BLOC1S2: variants seen among roughly 807,000 people sequenced by gnomAD.
BLOC1S2 encodes biogenesis of lysosomal organelles complex 1 subunit 2, also known as biogenesis of lysosome-related organelles complex 1 subunit 2.
A neutral mutation model predicts 19.6 loss-of-function variants in BLOC1S2; 12 were observed. The ratio of observed to expected loss-of-function variants is 0.61; its 90% confidence interval spans 0.39 to 0.99. The LOEUF (loss-of-function observed/expected upper bound fraction) is 0.99. Among genes scored for constraint, BLOC1S2 ranks in the 50% least tolerant of loss-of-function variants. BLOC1S2 has a pLI of 0.00. For missense variants in BLOC1S2, 142 were observed against 171.0 expected (o/e 0.83, Z 0.95); for synonymous variants, 66 against 64.1 (o/e 1.03, Z -0.14).
chr10:100,274,800 C>A lies in BLOC1S2; in HGVS notation c.*662G>T. 1 of 396,030 alleles carries A rather than the reference C, an allele frequency of 2.5e-6. No individual in the cohort carries two copies. Among genetic ancestry groups the A allele is most frequent in the Non-Finnish European group, 4.4e-6 (1 of 224,958 alleles). The allele number at this position is 396,030 out of a possible 1,614,324, so 24.5% of individuals were successfully genotyped here. A position where few individuals can be genotyped will look rare whatever the true frequency, so the allele number is the denominator to read the frequency against. ...TAGTCTTTGTTTTCATCACATTTCC[C>A]AAACTGATCGCATGTCAATGTGACT... is the stretch of plus-strand genomic sequence containing the variant. On this transcript the variant is annotated 3_prime_UTR_variant, in exon 5 of 5. Coordinates refer to ENST00000370372, the MANE Select transcript of BLOC1S2 (RefSeq NM_173809.5).
At position 100,286,266 on chromosome 10, in the gene BLOC1S2, G is replaced by A. The variant is rs78762965; in HGVS notation, c.56-53C>T. On this transcript the variant is annotated intron_variant, in intron 1 of 4. Transcript: ENST00000370372. ...CCCGCCTACACCCGGTGCTAATCCA[G>A]CCAAAGCAGCCTGTTCCGACATCCC... The A allele has an allele frequency of 7.7e-4, 1,212 of 1,575,376 alleles. 4 individuals are homozygous for A. In the African/African-American group the frequency reaches 9.4e-3, roughly 12 times the overall value.
At chr10:100,284,123 A>G (rs532947525) in intron 2 of BLOC1S2, among the ~76,000 whole-genome samples, 4 of 152,376 alleles carry the variant, frequency 2.6e-5, no homozygotes, top group African/African-American at 9.6e-5. Flanking sequence ...AATAAAAATA[A>G]CAGTAGAGAA....
rs759050926 is a variant in BLOC1S2 at position 100,286,639 on chromosome 10, G to A, written c.21C>T (p.Gly7=). The A allele has an allele frequency of 3.1e-6, 5 of 1,609,560 alleles. No homozygotes were observed. Among genetic ancestry groups the A allele is most frequent in the Non-Finnish European group, 3.4e-6 (4 of 1,178,258 alleles). The change falls in exon 1 of 5, where the codon GGC becomes GGT. Residue 7 remains glycine, a synonymous_variant. Coordinates refer to ENST00000370372, the MANE Select transcript of BLOC1S2 (RefSeq NM_173809.5). ...GCTCATCACTCCGGGTCGCCAGTAC[G>A]CCCTCGGCTGCCGCCGCCATAGCGG... The part of the protein sequence containing the change: MAAAAE[G]VLATRSDEPA...
Position 100,280,153 on chromosome 10 carries a change from T to C in BLOC1S2, c.368A>G (p.Tyr123Cys). ...TTTTTTTGAATATGCATCCAACTTG[T>C]AAGCTGCCTGCTCAAGAGCTGCTAC... ...EQVAALEQAAYKLDAYSKKLE... is the reference protein window; with the variant it reads ...EQVAALEQAACKLDAYSKKLE... Residue 123 changes from tyrosine to cysteine, a missense_variant, in exon 4 of 5, where the codon TAC becomes TGC. Around this residue, in one of 2 missense-constraint regions of BLOC1S2, gnomAD observed 94 missense variants for 141.3 expected, o/e 0.67. Transcript: ENST00000370372. 6.2e-7 allele frequency: 1 copy of C among 1,613,890 alleles called. No individual in the cohort carries two copies. The highest frequency in any genetic ancestry group is 8.5e-7 in the Non-Finnish European group (1 of 1,179,894).
rs912084592 is a variant in BLOC1S2 at position 100,274,470 on chromosome 10, G to A, written c.*992C>T. 6.6e-6 allele frequency: 1 copy of A among 152,574 alleles called. No homozygotes were observed. The highest frequency in any genetic ancestry group is 1.5e-5 in the Non-Finnish European group (1 of 68,268). 9.5% of individuals were successfully genotyped at this position (152,574 alleles called of 1,614,324 possible). ...GAAGAACAGAGGATAAATGATGACT[G>A]TCTGGAACAGAGGGGAAATGACAGA... On this transcript the variant is annotated 3_prime_UTR_variant, in exon 5 of 5. Transcript: ENST00000370372.
At chr10:100,276,888 C>G (rs923119160) in intron 4 of BLOC1S2, among the ~76,000 whole-genome samples, 3 of 152,194 alleles carry the variant, frequency 2.0e-5, no homozygotes, top group Non-Finnish European at 2.9e-5. Context: ...TTGGCCCCCC[C>G]AAAGTGCGGA....
intron 4 of BLOC1S2, among the ~76,000 whole-genome samples, chr10:100,279,649 T>C (rs1048476011): frequency 6.6e-6 from 1 of 151,910 alleles, no homozygotes; most frequent in African/African-American, 2.4e-5. Flanking sequence ...CAGGCCGAGG[T>C]GGGCAGATCA....
At chr10:100,280,279 A>C (rs765675812) in intron 3 of BLOC1S2, 51 bp from the exon 4 acceptor site, 1 of 1,489,964 alleles carries the variant, frequency 6.7e-7, no homozygotes, top group Non-Finnish European at 9.2e-7. Flanking sequence ...TTAACAAAGA[A>C]TATAGGAAAA....
chr10:100,277,392 G>A (rs78431736), intron 4 of BLOC1S2, among the ~76,000 whole-genome samples: 1 of 144,190 alleles, frequency 6.9e-6, no homozygotes, highest in Non-Finnish European at 1.5e-5. Flanking sequence ...GCCTCTGCCC[G>A]GCCGCCCCTA....
chr10:100,277,749 GT>G (rs1847955041), intron 4 of BLOC1S2, among the ~76,000 whole-genome samples: 2 of 133,236 alleles, frequency 1.5e-5, no homozygotes. Context: ...CGTCCGGGAG[GT>G]GAGGGGCGCC....
intron 4 of BLOC1S2, among the ~76,000 whole-genome samples, chr10:100,279,285 G>T (rs1357236163): frequency 6.6e-6 from 1 of 152,180 alleles, no homozygotes; most frequent in Non-Finnish European, 1.5e-5. Flanking sequence ...CATTATTAAA[G>T]GTGCTTCTGC....
chr10:100,279,607 A>AT lies in BLOC1S2; in HGVS notation c.397+516dup, dbSNP rs1848048481. ...AAAAAATCATGTACTTACCTCACAG[A>AT]TTATTGGGAAGATAAAAAACATAAT... On this transcript the variant is annotated intron_variant, in intron 4 of 4. Coordinates refer to ENST00000370372, the MANE Select transcript of BLOC1S2 (RefSeq NM_173809.5). Among the ~76,000 whole-genome samples, 6 of 152,270 alleles carry AT rather than the reference A, an allele frequency of 3.9e-5. No homozygotes were observed. In the South Asian group the frequency reaches 1.2e-3, roughly 32 times the overall value.
chr10:100,277,755 G>A (rs1847955185), intron 4 of BLOC1S2, among the ~76,000 whole-genome samples: 2 of 132,308 alleles, frequency 1.5e-5, no homozygotes, highest in Non-Finnish European at 3.3e-5. Context: ...GGAGGTGAGG[G>A]GCGCCTCTGC....
In BLOC1S2 at chr10:100,280,022, G is replaced by A. The variant is rs777315582; in HGVS notation, c.397+102C>T. 3 of 683,222 alleles carry A rather than the reference G, an allele frequency of 4.4e-6. No individual in the cohort carries two copies. The South Asian group carries it at 8.9e-5, about 20-fold the overall frequency. 42.3% of individuals were successfully genotyped at this position (683,222 alleles called of 1,614,324 possible). On this transcript the variant is annotated intron_variant, in intron 4 of 4. Coordinates refer to ENST00000370372, the MANE Select transcript of BLOC1S2 (RefSeq NM_173809.5). ...TACTAAGGTTTTGTGAAGATTAATAGATCACTGTAGGCACACCATAAATGT... is the reference window on the plus strand; with the variant it reads ...TACTAAGGTTTTGTGAAGATTAATAAATCACTGTAGGCACACCATAAATGT...
intron 4 of BLOC1S2, 64 bp from the exon 5 acceptor site, chr10:100,275,557 A>G: frequency 6.9e-7 from 1 of 1,446,476 alleles, no homozygotes; most frequent in Non-Finnish European, 9.5e-7. Flanking sequence ...GTTTTTAGTT[A>G]GCATTTCCAG....
chr10:100,277,847 C>T (rs1847963155), intron 4 of BLOC1S2, among the ~76,000 whole-genome samples: 3 of 132,704 alleles, frequency 2.3e-5, no homozygotes, highest in African/African-American at 5.9e-5. Flanking sequence ...GAGTCAGCCC[C>T]CCGCCCGGCC....
chr10:100,280,135 G>C lies in BLOC1S2; in HGVS notation c.386C>G (p.Ser129Ter). The change falls in exon 4 of 5, where the codon TCA (serine) becomes TGA (stop). Residue 129 changes from serine (S) to a stop codon, truncating the protein, a stop_gained. Transcript: ENST00000370372. LOFTEE classifies it high-confidence loss of function. ...GTAAAAACGGTTACCCAGTTTTTTT[G>C]AATATGCATCCAACTTGTAAGCTGC... is the stretch of plus-strand genomic sequence containing the variant. ...EQAAYKLDAY[S>*]KKLEAKYKKL... 6.2e-7 allele frequency: 1 copy of C among 1,611,960 alleles called. No individual in the cohort carries two copies. The highest frequency in any genetic ancestry group is 8.5e-7 in the Non-Finnish European group (1 of 1,179,236).
chr10:100,285,276 TG>T (rs749224516), intron 2 of BLOC1S2, among the ~76,000 whole-genome samples: 1 of 152,054 alleles, frequency 6.6e-6, no homozygotes, highest in Non-Finnish European at 1.5e-5. Flanking sequence ...TTTTTTGAGA[TG>T]GAGTCACACT....
intron 4 of BLOC1S2, among the ~76,000 whole-genome samples, chr10:100,278,676 C>T (rs1327784998): frequency 6.6e-6 from 1 of 152,224 alleles, no homozygotes; most frequent in Admixed American, 6.5e-5. Context: ...ATCTCAAGTA[C>T]CCAGGGACAC....
Sources: allele counts gnomAD v4.1 joint callset (sites outside exome capture counted in the v4.1 genomes callset), GRCh38; gene constraint gnomAD v4.1.1; regional missense constraint gnomAD v4.1.1; transcripts MANE v1.5; gene names NCBI Gene and HGNC (gene_info 2026-07-23, HGNC 2026-07-21).